Variants in TRPM8 observed in about 807,000 individuals in gnomAD.
TRPM8 encodes the protein TRPM8 cationic channel.
A neutral mutation model predicts 133.7 loss-of-function variants in TRPM8; 110 were observed. The observed-to-expected ratio is 0.82, with a 90% confidence interval of 0.70 to 0.96. The LOEUF (loss-of-function observed/expected upper bound fraction) is 0.96, where lower values mean the gene tolerates loss of function less well. Ranked by LOEUF, TRPM8 falls within the 40% of genes least tolerant of loss-of-function variation. The pLI, the probability that TRPM8 is intolerant of heterozygous loss-of-function variation, is 0.00. For synonymous variants in TRPM8, 535 were observed against 532.3 expected (o/e 1.01, Z -0.07); for missense variants, 1,291 against 1,379.5 (o/e 0.94, Z 1.02).
At chr2:233,949,547 G>A (rs1363581861) in intron 8 of TRPM8, among the ~76,000 whole-genome samples, 1 of 152,176 alleles carries the variant, frequency 6.6e-6, no homozygotes, top group African/African-American at 2.4e-5. Flanking sequence ...AAAAGTATGA[G>A]TATTGGTTAC....
chr2:233,921,140 C>T (rs1423411252), intron 1 of TRPM8, among the ~76,000 whole-genome samples: 1 of 152,144 alleles, frequency 6.6e-6, no homozygotes, highest in East Asian at 1.9e-4. Flanking sequence ...GGATTACAGG[C>T]ATGAACTACC....
chr2:233,937,559 C>T (rs773751510), intron 4 of TRPM8, 50 bp downstream of exon 4: 1 of 1,566,462 alleles, frequency 6.4e-7, no homozygotes, highest in South Asian at 1.2e-5. Flanking sequence ...CCAAAGTGAC[C>T]TGGGCTACCT....
chr2:233,921,795 C>T (rs9646718), intron 1 of TRPM8, among the ~76,000 whole-genome samples: 11,692 of 151,162 alleles, frequency 0.077, 578 homozygotes, highest in Middle Eastern at 0.15. Flanking sequence ...CTCAGCCTCC[C>T]AAGTACCTGG....
rs199824601 is a variant in TRPM8 at position 233,969,819 on chromosome 2, G to A, written c.2138+12G>A. ...TTTGTATCATTTAGGTACAAACCAAGGCACATAATCGTGTGTGAGTGTGTG... is the reference window on the plus strand; with the variant it reads ...TTTGTATCATTTAGGTACAAACCAAAGCACATAATCGTGTGTGAGTGTGTG... On this transcript the variant is annotated intron_variant, in intron 16 of 25. Coordinates refer to ENST00000324695, the MANE Select transcript of TRPM8 (RefSeq NM_024080.5). 5.9e-6 allele frequency: 9 copies of A among 1,537,870 alleles called. No individual in the cohort carries two copies. The East Asian group carries it at 6.7e-5, about 12-fold the overall frequency.
chr2:233,975,133 T>G (rs1691835339), intron 17 of TRPM8, among the ~76,000 whole-genome samples: 1 of 152,240 alleles, frequency 6.6e-6, no homozygotes, highest in African/African-American at 2.4e-5. Flanking sequence ...TGCTCAGAAT[T>G]GCGTGGCATG....
chr2:233,972,515 A>G (rs1449980477), intron 17 of TRPM8, among the ~76,000 whole-genome samples: 2 of 152,190 alleles, frequency 1.3e-5, no homozygotes, highest in Non-Finnish European at 2.9e-5. Context: ...GCCATGGAGC[A>G]GGGGGTGGCG....
intron 21 of TRPM8, among the ~76,000 whole-genome samples, 166 bp downstream of exon 21, chr2:233,986,031 T>C (rs1013097883): frequency 3.3e-5 from 5 of 152,230 alleles, no homozygotes; most frequent in Non-Finnish European, 7.3e-5. Context: ...AAAGGGACCA[T>C]ATTAAAAATA....
At chr2:233,943,067 C>CTTTTT (rs67315288) in intron 6 of TRPM8, 49 of 178,520 alleles carry the variant, frequency 2.7e-4, no homozygotes, top group African/African-American at 9.8e-4. Context: ...ACTGCAGTAT[C>CTTTTT]TTTTTTTTTT....
intron 9 of TRPM8, among the ~76,000 whole-genome samples, chr2:233,950,479 A>G (rs1574715397): frequency 6.6e-6 from 1 of 152,342 alleles, no homozygotes; most frequent in Non-Finnish European, 1.5e-5. Context: ...AAAAGAGATA[A>G]ACATATCAGC....
At chr2:233,975,934 A>G (rs1445243347) in intron 17 of TRPM8, among the ~76,000 whole-genome samples, 2 of 152,094 alleles carry the variant, frequency 1.3e-5, no homozygotes, top group Non-Finnish European at 2.9e-5. Flanking sequence ...AAAAACACAC[A>G]CACAAAAACC....
intron 22 of TRPM8, among the ~76,000 whole-genome samples, chr2:233,999,752 G>A (rs147924850): frequency 2.0e-5 from 3 of 152,318 alleles, no homozygotes; most frequent in East Asian, 3.9e-4. Flanking sequence ...TGGATAGTTC[G>A]AGCAGTCCCA....
intron 18 of TRPM8, 106 bp from the exon 19 acceptor site, chr2:233,981,668 A>G (rs2125282485): frequency 2.5e-6 from 3 of 1,215,778 alleles, no homozygotes; most frequent in Non-Finnish European, 3.4e-6. Context: ...CACTCACTCA[A>G]CCTTCCAGCT....
At chr2:233,942,823 C>G (rs760369454) in intron 6 of TRPM8, 75 bp downstream of exon 6, 1 of 1,579,260 alleles carries the variant, frequency 6.3e-7, no homozygotes, top group Admixed American at 1.7e-5. Flanking sequence ...GGCCTGAACC[C>G]TGGGGCTCTG....
At position 233,989,689 on chromosome 2, in the gene TRPM8, A is replaced by T. The variant is rs1692227597; in HGVS notation, c.2939+3824A>T. 6.6e-6 allele frequency among the ~76,000 whole-genome samples: 1 copy of T among 152,204 alleles called. No individual in the cohort carries two copies. Among genetic ancestry groups the T allele is most frequent in the African/African-American group, 2.4e-5 (1 of 41,456 alleles). On this transcript the variant is annotated intron_variant, in intron 21 of 25. Transcript: ENST00000324695. The surrounding 1 kb of genome is among the most constrained non-coding windows in gnomAD (Gnocchi z 4.2). ...TGGCAACCTTATTAACTGCAATGCA[A>T]ATGTACCTTTGGGAATTCTGAAGGA...
chr2:233,943,904 A>G (rs1440571403), intron 6 of TRPM8, among the ~76,000 whole-genome samples: 1 of 152,048 alleles, frequency 6.6e-6, no homozygotes, highest in African/African-American at 2.4e-5. Context: ...CTTCTTTTAG[A>G]ATTATTTTAT....
chr2:233,972,369 C>T (rs977165011), intron 17 of TRPM8, among the ~76,000 whole-genome samples: 14 of 152,382 alleles, frequency 9.2e-5, no homozygotes, highest in Admixed American at 3.9e-4. Flanking sequence ...AAAGTTTCTC[C>T]ACGTCCCCAC....
chr2:233,958,033 G>T (rs936867265), intron 11 of TRPM8, among the ~76,000 whole-genome samples: 1 of 152,224 alleles, frequency 6.6e-6, no homozygotes, highest in Non-Finnish European at 1.5e-5. Context: ...TATCTGGAAT[G>T]CTGATAATAT....
chr2:233,984,600 C>T (rs1559541722), intron 20 of TRPM8, among the ~76,000 whole-genome samples: 1 of 152,096 alleles, frequency 6.6e-6, no homozygotes, highest in East Asian at 1.9e-4. Context: ...TTTTCCATCA[C>T]CACTGCCGCC....
chr2:234,011,525 G>T (rs2125408118), intron 24 of TRPM8, among the ~76,000 whole-genome samples: 1 of 152,134 alleles, frequency 6.6e-6, no homozygotes, highest in Non-Finnish European at 1.5e-5. Context: ...GATAGGGATT[G>T]CATTGAATCT....
Sources: allele counts gnomAD v4.1 joint callset (sites outside exome capture counted in the v4.1 genomes callset), GRCh38; gene constraint gnomAD v4.1.1; non-coding constraint Gnocchi (gnomAD v3.1); transcripts MANE v1.5; gene names NCBI Gene and HGNC (gene_info 2026-07-23, HGNC 2026-07-21).